PTPRM: variants seen among roughly 807,000 people sequenced by gnomAD.
PTPRM encodes receptor-type tyrosine-protein phosphatase mu.
In PTPRM, 47 loss-of-function variants were observed where a neutral mutation model predicts 186.7. The observed-to-expected ratio is 0.25, with a 90% confidence interval of 0.20 to 0.32. The LOEUF (loss-of-function observed/expected upper bound fraction) is 0.32. PTPRM is among the 10% of genes least tolerant of loss of function. The pLI is 1.00. For synonymous variants in PTPRM, 668 were observed against 674.9 expected, an observed-to-expected ratio of 0.99 and a Z score of 0.16; for missense variants, 1,494 against 1,865.0, an observed-to-expected ratio of 0.80 and a Z score of 3.66.
In PTPRM at chr18:7,949,226, A is replaced by C. The variant is rs1315240365; in HGVS notation, c.709A>C (p.Ser237Arg). ...TCCTCTGAAGGAAATCAAGGTGACC[A>C]GCTCCCGACGCTTCATTGCTTCATT... ...DAPLKEIKVT[S>R]SRRFIASFNV... The change falls in exon 6 of 33, where the codon AGC becomes CGC. Residue 237 changes from serine (S) to arginine (R), a missense_variant. By Grantham distance (110) the Ser-to-Arg change is moderately radical (BLOSUM62 -1). This residue lies in a region of PTPRM where 296 missense variants were observed against 345.5 expected (regional missense o/e 0.86). Coordinates refer to ENST00000580170, the MANE Select transcript of PTPRM (RefSeq NM_001105244.2). 1 of 1,611,640 alleles carries C rather than the reference A, an allele frequency of 6.2e-7. No individual in the cohort carries two copies. Among genetic ancestry groups the C allele is most frequent in the Non-Finnish European group, 8.5e-7 (1 of 1,177,690 alleles).
At chr18:8,398,931 A>G (rs955992310) in intron 32 of PTPRM, among the ~76,000 whole-genome samples, 2 of 152,166 alleles carry the variant, frequency 1.3e-5, no homozygotes, top group African/African-American at 4.8e-5. Flanking sequence ...TGATAGGCAC[A>G]GGGTTTCTTT....
chr18:7,966,506 G>T (rs562328232), intron 7 of PTPRM, among the ~76,000 whole-genome samples: 8 of 151,814 alleles, frequency 5.3e-5, no homozygotes, highest in Non-Finnish European at 1.2e-4. Context: ...CGTGAGCGAC[G>T]CAGAAGACGG....
chr18:8,297,513 T>C (rs2147888592), intron 20 of PTPRM, among the ~76,000 whole-genome samples: 1 of 152,328 alleles, frequency 6.6e-6, no homozygotes, highest in Admixed American at 6.5e-5. Flanking sequence ...ATGAGCCACA[T>C]AGGAGTAGCT....
chr18:8,286,964 C>A (rs1466420664), intron 19 of PTPRM, among the ~76,000 whole-genome samples: 2 of 148,940 alleles, frequency 1.3e-5, no homozygotes, highest in East Asian at 3.9e-4. Context: ...CCAAGCCTGT[C>A]ATCTCTTAAA....
intron 1 of PTPRM, among the ~76,000 whole-genome samples, chr18:7,756,837 GTTTTTGCCCTCCT>G (rs2041517389): frequency 6.6e-6 from 1 of 152,110 alleles, no homozygotes; most frequent in Non-Finnish European, 1.5e-5. Flanking sequence ...GGGGGACAAC[GTTTTTGCCCTCCT>G]TTTTTGCCAG....
At chr18:7,684,572 G>C (rs1401046503) in intron 1 of PTPRM, among the ~76,000 whole-genome samples, 1 of 152,098 alleles carries the variant, frequency 6.6e-6, no homozygotes, top group Non-Finnish European at 1.5e-5. Context: ...TGTTTTAGAT[G>C]CTTTGTATAA....
chr18:7,905,934 T>A (rs2049958277), intron 3 of PTPRM, among the ~76,000 whole-genome samples: 1 of 152,192 alleles, frequency 6.6e-6, no homozygotes, highest in African/African-American at 2.4e-5. Context: ...ACGTTGTCTC[T>A]TGAGGGAAAA....
chr18:8,248,320 G>A (rs755219808), intron 17 of PTPRM, 144 bp downstream of exon 17: 7 of 826,300 alleles, frequency 8.5e-6, no homozygotes, highest in Admixed American at 7.0e-5. Flanking sequence ...CTGGGTCATG[G>A]GGTTAAAGGA....
intron 2 of PTPRM, among the ~76,000 whole-genome samples, chr18:7,782,049 A>G (rs142952240): frequency 6.6e-6 from 1 of 152,360 alleles, no homozygotes; most frequent in African/African-American, 2.4e-5. Context: ...AGCAAAATAA[A>G]TTGGACTGGA....
Position 7,715,664 on chromosome 18 carries a change from G to A in PTPRM, c.74-58485G>A, listed in dbSNP as rs139029765. On this transcript the variant is annotated intron_variant, in intron 1 of 32. Coordinates refer to ENST00000580170, the MANE Select transcript of PTPRM (RefSeq NM_001105244.2). Reference sequence around the variant, plus strand: ...GATAAGCAACTTCAGCAAAGTCTCAGGATACAAAATCAATGTGCAAAAATC... The same window carrying A: ...GATAAGCAACTTCAGCAAAGTCTCAAGATACAAAATCAATGTGCAAAAATC... 3.6e-4 allele frequency among the ~76,000 whole-genome samples: 55 copies of A among 152,228 alleles called. No individual in the cohort carries two copies. In the East Asian group the frequency reaches 5.4e-3, roughly 15 times the overall value.
In PTPRM at chr18:8,143,614, AGT is replaced by A; in HGVS notation, c.2168-32_2168-31del. 4 of 1,564,206 alleles carry A rather than the reference AGT, an allele frequency of 2.6e-6. No individual in the cohort carries two copies. In the Middle Eastern group the frequency reaches 6.7e-4, roughly 262 times the overall value. ...GGCATCTTTATTCTCTCTTACCTAC[AGT>A]CTCTCCTTTTTCATTTCCTTTCATC... On this transcript the variant is annotated intron_variant, in intron 13 of 32. Coordinates refer to ENST00000580170, the MANE Select transcript of PTPRM (RefSeq NM_001105244.2).
chr18:7,607,252 T>G (rs552639088), intron 1 of PTPRM, among the ~76,000 whole-genome samples: 1 of 152,238 alleles, frequency 6.6e-6, no homozygotes, highest in African/African-American at 2.4e-5. Context: ...CTGCGAGGAA[T>G]AGAGATAGCT....
At chr18:7,812,575 A>G (rs1385683451) in intron 2 of PTPRM, among the ~76,000 whole-genome samples, 1 of 152,174 alleles carries the variant, frequency 6.6e-6, no homozygotes, top group African/African-American at 2.4e-5. Flanking sequence ...TCTCTTCCCT[A>G]GGGGACAGAG....
intron 14 of PTPRM, among the ~76,000 whole-genome samples, chr18:8,197,944 C>T (rs1189647521): frequency 2.0e-5 from 3 of 152,098 alleles, no homozygotes; most frequent in Non-Finnish European, 4.4e-5. Flanking sequence ...ATCCCAGCCT[C>T]GAAGGGATCA....
intron 5 of PTPRM, among the ~76,000 whole-genome samples, chr18:7,937,410 G>A (rs1046236594): frequency 5.9e-5 from 9 of 152,174 alleles, no homozygotes; most frequent in Non-Finnish European, 1.3e-4. Context: ...GGCACCTGGA[G>A]CTGCCCATCC....
intron 1 of PTPRM, among the ~76,000 whole-genome samples, chr18:7,629,527 C>T (rs2038141638): frequency 6.6e-6 from 1 of 152,056 alleles, no homozygotes; most frequent in South Asian, 2.1e-4. Flanking sequence ...TAACAGAGGT[C>T]ACAAATGTAC....
intron 9 of PTPRM, among the ~76,000 whole-genome samples, chr18:8,082,021 C>G (rs2090155162): frequency 6.6e-6 from 1 of 152,052 alleles, no homozygotes; most frequent in African/African-American, 2.4e-5. Context: ...ACAACAAGTC[C>G]CTTAGTAAAG....
At chr18:8,306,550 A>T (rs1344453541) in intron 20 of PTPRM, among the ~76,000 whole-genome samples, 3 of 152,260 alleles carry the variant, frequency 2.0e-5, no homozygotes, top group Non-Finnish European at 4.4e-5. Flanking sequence ...TGTGTGCCCC[A>T]GAAATACCAA....
chr18:8,015,263 A>G (rs1371318371), intron 7 of PTPRM, among the ~76,000 whole-genome samples: 1 of 152,242 alleles, frequency 6.6e-6, no homozygotes, highest in Non-Finnish European at 1.5e-5. Context: ...ACTGTTGACT[A>G]GAAGCCTTAC....
Sources: gnomAD v4.1 joint callset for allele counts (sites outside exome capture counted in the v4.1 genomes callset) on GRCh38, gnomAD v4.1.1 for gene constraint, gnomAD v4.1.1 regional missense constraint, MANE v1.5 for transcripts, NCBI Gene and HGNC (gene_info 2026-07-23, HGNC 2026-07-21) for gene names.